The following CD5 variants were observed in gnomAD, a reference collection of about 807,000 sequenced individuals.
The protein encoded by CD5 is T-cell surface glycoprotein CD5.
Under a neutral mutation model 60.3 loss-of-function variants are expected in CD5, and 36 were observed. The ratio of observed to expected loss-of-function variants is 0.60; its 90% CI spans 0.46 to 0.79. The LOEUF is 0.79. CD5 is among the 30% of genes least tolerant of loss of function. The pLI is 0.00. For missense variants in CD5, 540 were observed against 630.6 expected, an observed-to-expected ratio of 0.86 and a Z score of 1.54; for synonymous variants, 230 against 257.6, an observed-to-expected ratio of 0.89 and a Z score of 1.03.
Position 61,121,255 on chromosome 11 carries a change from T to C in CD5, c.806-356T>C, listed in dbSNP as rs563591089. Reference sequence around the variant, plus strand: ...TGACAAGATGTTTCCAAGTGAGAAGTGGACCTAGGTGGAGCCTATTTCCCA... The same window carrying C: ...TGACAAGATGTTTCCAAGTGAGAAGCGGACCTAGGTGGAGCCTATTTCCCA... On this transcript the variant is annotated intron_variant, in intron 5 of 10. Coordinates refer to ENST00000347785, the MANE Select transcript of CD5 (RefSeq NM_014207.4). Among the ~76,000 whole-genome samples the C allele has an allele frequency of 4.7e-5, 7 of 149,458 alleles. No individual in the cohort carries two copies. In the South Asian group the frequency reaches 1.5e-3, roughly 31 times the overall value.
intron 6 of CD5, among the ~76,000 whole-genome samples, chr11:61,122,412 TGGATG>T (rs1486194140): frequency 1.5e-5 from 2 of 136,362 alleles, no homozygotes; most frequent in Non-Finnish European, 3.2e-5. Context: ...GATGGATGGA[TGGATG>T]GATCAGTGGG....
At chr11:61,103,913 G>T (rs1429290984) in intron 1 of CD5, among the ~76,000 whole-genome samples, 2 of 47,002 alleles carry the variant, frequency 4.3e-5, no homozygotes, top group Non-Finnish European at 6.9e-5. Flanking sequence ...TACTGTGTGT[G>T]GGGGGGGAAT....
intron 5 of CD5, among the ~76,000 whole-genome samples, chr11:61,120,647 T>C (rs1015849223): frequency 2.0e-5 from 3 of 152,086 alleles, no homozygotes; most frequent in African/African-American, 7.2e-5. Context: ...TTCAGCAAGG[T>C]CCTCAGTGAT....
At chr11:61,103,221 C>T (rs553276189) in intron 1 of CD5, among the ~76,000 whole-genome samples, 3 of 152,344 alleles carry the variant, frequency 2.0e-5, no homozygotes, top group Non-Finnish European at 4.4e-5. Flanking sequence ...ACACGCTGGG[C>T]CTGCTCTCAC....
At chr11:61,111,881 C>T (rs1034593303) in intron 1 of CD5, among the ~76,000 whole-genome samples, 3 of 152,224 alleles carry the variant, frequency 2.0e-5, no homozygotes, top group South Asian at 2.1e-4. Context: ...CCCTTTACAC[C>T]GATTAGCTCA....
intron 8 of CD5, 38 bp from the exon 9 acceptor site, chr11:61,124,994 A>G (rs1264959033): frequency 1.9e-6 from 3 of 1,613,310 alleles, no homozygotes; most frequent in Non-Finnish European, 1.7e-6. Context: ...CGGAGGACAC[A>G]GCCACAAGTC....
intron 6 of CD5, among the ~76,000 whole-genome samples, chr11:61,122,417 GGATC>G (rs1861079133): frequency 1.4e-5 from 2 of 138,698 alleles, no homozygotes; most frequent in Admixed American, 7.2e-5. Flanking sequence ...ATGGATGGAT[GGATC>G]AGTGGGTGGG....
chr11:61,123,209 G>C (rs1342764190), intron 7 of CD5, among the ~76,000 whole-genome samples, 177 bp downstream of exon 7: 1 of 152,178 alleles, frequency 6.6e-6, no homozygotes, highest in Non-Finnish European at 1.5e-5. Context: ...CCAAGTAACA[G>C]AAACACAAAG....
intron 9 of CD5, among the ~76,000 whole-genome samples, chr11:61,125,425 G>T (rs1004472528): frequency 6.6e-6 from 1 of 152,210 alleles, no homozygotes; most frequent in Non-Finnish European, 1.5e-5. Flanking sequence ...GTGACCTAAT[G>T]GGCCTGTTTC....
intron 1 of CD5, among the ~76,000 whole-genome samples, chr11:61,112,793 G>T (rs1860876627): frequency 6.6e-6 from 1 of 152,192 alleles, no homozygotes; most frequent in Non-Finnish European, 1.5e-5. Context: ...AAAGGATCTT[G>T]CAGATTCAGG....
upstream of CD5, among the ~76,000 whole-genome samples, chr11:61,101,030 A>G (rs1860673813): frequency 8.1e-6 from 1 of 122,858 alleles, no homozygotes; most frequent in African/African-American, 3.2e-5. Context: ...TCACACACAC[A>G]CATCAACATG....
the CD5 span, among the ~76,000 whole-genome samples, chr11:61,096,089 C>T: frequency 0.014 from 2,114 of 152,298 alleles, 39 homozygotes; most frequent in South Asian, 0.06. Flanking sequence ...CTAGGCGAAA[C>T]GCCGACTTAC....
chr11:61,119,955 G>T (rs1861032047), intron 5 of CD5, among the ~76,000 whole-genome samples: 1 of 151,754 alleles, frequency 6.6e-6, no homozygotes, highest in Non-Finnish European at 1.5e-5. Context: ...GGAGGGGTGG[G>T]CCTTGCAGGA....
chr11:61,126,114 C>T (rs1422978903), intron 10 of CD5, among the ~76,000 whole-genome samples, 174 bp from the exon 11 acceptor site: 2 of 152,230 alleles, frequency 1.3e-5, no homozygotes, highest in East Asian at 1.9e-4. Context: ...CTAAGAGCTC[C>T]GTGATGGAGT....
At chr11:61,107,214 G>A (rs1199319776) in intron 1 of CD5, among the ~76,000 whole-genome samples, 1 of 152,144 alleles carries the variant, frequency 6.6e-6, no homozygotes. Flanking sequence ...AGAAGGGAGT[G>A]AGCCCACCGT....
intron 5 of CD5, among the ~76,000 whole-genome samples, chr11:61,120,241 A>C (rs569901969): frequency 1.7e-4 from 26 of 152,276 alleles, no homozygotes; most frequent in African/African-American, 6.0e-4. Flanking sequence ...CCACAGCTGA[A>C]ACGAAGGGAG....
In CD5 at chr11:61,119,339, A is replaced by T; in HGVS notation, c.569A>T (p.Gln190Leu). The change falls in exon 5 of 11, where the codon CAG (glutamine) becomes CTG (leucine). Residue 190 changes from glutamine (Q) to leucine (L), a missense_variant. Gln to Leu is a moderately radical substitution (Grantham distance 113). Transcript: ENST00000347785. ...SLGGTISYEA[Q>L]DKTQDLENFL... ...GGGGGTACCATCAGCTATGAGGCCC[A>T]GGACAAGACCCAGGACCTGGAGAAC... is the stretch of plus-strand genomic sequence containing the variant. 6.2e-7 allele frequency: 1 copy of T among 1,614,110 alleles called. No homozygotes were observed. Among genetic ancestry groups the T allele is most frequent in the Non-Finnish European group, 8.5e-7 (1 of 1,180,022 alleles).
chr11:61,108,698 T>C (rs1860808673), intron 1 of CD5, among the ~76,000 whole-genome samples: 2 of 152,186 alleles, frequency 1.3e-5, no homozygotes, highest in Admixed American at 1.3e-4. Context: ...TCGATGGCTG[T>C]AGCTATGGGG....
At chr11:61,100,698 CACAA>C (rs1226945538), upstream of CD5, among the ~76,000 whole-genome samples, 9 of 141,192 alleles carry the variant, frequency 6.4e-5, no homozygotes, top group African/African-American at 2.2e-4. Context: ...ACATGGAGAT[CACAA>C]ACACACATCA....
Sources: gnomAD v4.1 joint callset for allele counts (sites outside exome capture counted in the v4.1 genomes callset) on GRCh38, gnomAD v4.1.1 for gene constraint, MANE v1.5 for transcripts, NCBI Gene and HGNC (gene_info 2026-07-23, HGNC 2026-07-21) for gene names.